Variants in CNBD1 observed in about 807,000 individuals in gnomAD.
The protein encoded by CNBD1 is cyclic nucleotide binding domain containing 1, also known as cyclic nucleotide-binding domain-containing protein 1.
Under a neutral mutation model 54.4 loss-of-function variants are expected in CNBD1, and 71 were observed. The ratio of observed to expected loss-of-function variants is 1.30; its 90% CI spans 1.08 to 1.59. The LOEUF is 1.59. Among genes scored for constraint, CNBD1 ranks in the 40% most tolerant of loss-of-function variants. CNBD1 has a pLI of 0.00. For missense variants in CNBD1, 659 were observed against 518.0 expected, an observed-to-expected ratio of 1.27 and a Z score of -2.64; for synonymous variants, 182 against 170.7, an observed-to-expected ratio of 1.07 and a Z score of -0.51.
intron 4 of CNBD1, among the ~76,000 whole-genome samples, chr8:87,204,378 G>A (rs1813926206): frequency 6.6e-6 from 1 of 152,116 alleles, no homozygotes; most frequent in South Asian, 2.1e-4. Flanking sequence ...TGGATGGGAA[G>A]GCCAAACTAT....
chr8:87,025,313 C>G (rs1414336969), intron 4 of CNBD1, among the ~76,000 whole-genome samples: 2 of 152,130 alleles, frequency 1.3e-5, no homozygotes, highest in Non-Finnish European at 2.9e-5. Flanking sequence ...ACCTGGGTCC[C>G]CTTCCACTCT....
chr8:87,346,057 G>A (rs566166078), intron 8 of CNBD1, among the ~76,000 whole-genome samples: 2 of 151,166 alleles, frequency 1.3e-5, no homozygotes, highest in African/African-American at 4.9e-5. Context: ...TTTTTTGTGG[G>A]GGGGACAGAG....
At chr8:87,204,271 A>G (rs1813923951) in intron 4 of CNBD1, among the ~76,000 whole-genome samples, 1 of 152,152 alleles carries the variant, frequency 6.6e-6, no homozygotes, top group South Asian at 2.1e-4. Flanking sequence ...TATGTTGTAG[A>G]CATTGTTTTT....
At chr8:87,070,529 GCT>G (rs1223476335) in intron 4 of CNBD1, among the ~76,000 whole-genome samples, 2 of 152,138 alleles carry the variant, frequency 1.3e-5, no homozygotes, top group African/African-American at 4.8e-5. Context: ...CAAGTTCTCT[GCT>G]CTCTCAAAAA....
intron 2 of CNBD1, among the ~76,000 whole-genome samples, chr8:86,900,887 G>T (rs1040964104): frequency 3.3e-5 from 5 of 152,036 alleles, no homozygotes; most frequent in African/African-American, 9.7e-5. Context: ...TTTTCCTTCA[G>T]AACTTTATGA....
intron 4 of CNBD1, among the ~76,000 whole-genome samples, chr8:87,067,799 T>G (rs967589159): frequency 6.6e-6 from 1 of 152,084 alleles, no homozygotes; most frequent in Non-Finnish European, 1.5e-5. Flanking sequence ...ATTAACGTAT[T>G]ATTTCTCTGT....
intron 10 of CNBD1, among the ~76,000 whole-genome samples, chr8:87,380,102 AT>A (rs1440797492): frequency 6.6e-6 from 1 of 151,962 alleles, no homozygotes; most frequent in African/African-American, 2.4e-5. Context: ...GTGTTTGCTT[AT>A]TATAATTACA....
At chr8:86,917,572 G>A (rs1269451026) in intron 3 of CNBD1, among the ~76,000 whole-genome samples, 1 of 152,136 alleles carries the variant, frequency 6.6e-6, no homozygotes, top group Non-Finnish European at 1.5e-5. Flanking sequence ...ACTGATGGGT[G>A]GTAGGACTCT....
At chr8:86,999,004 A>T (rs960682550) in intron 4 of CNBD1, among the ~76,000 whole-genome samples, 3 of 152,206 alleles carry the variant, frequency 2.0e-5, no homozygotes, top group South Asian at 2.1e-4. Context: ...CCCACTATCT[A>T]TGTGGACTTT....
At chr8:87,185,673 T>C (rs1327516192) in intron 4 of CNBD1, among the ~76,000 whole-genome samples, 1 of 152,200 alleles carries the variant, frequency 6.6e-6, no homozygotes, top group African/African-American at 2.4e-5. Context: ...CTCCAGATAT[T>C]GTTCCCTCTA....
At chr8:87,226,926 C>G (rs974686610) in intron 5 of CNBD1, among the ~76,000 whole-genome samples, 34 of 151,684 alleles carry the variant, frequency 2.2e-4, no homozygotes, top group East Asian at 3.9e-4. Flanking sequence ...GGGTGCTCCT[C>G]TATTGGGTGC....
chr8:87,353,818 C>T lies in CNBD1; in HGVS notation c.1303+32C>T, dbSNP rs749838757. 12 of 1,515,704 alleles carry T rather than the reference C, an allele frequency of 7.9e-6. No homozygotes were observed. In the East Asian group the frequency reaches 2.8e-4, roughly 35 times the overall value. 93.9% of individuals were successfully genotyped at this position (1,515,704 alleles called of 1,614,324 possible). On this transcript the variant is annotated intron_variant, in intron 10 of 10. Coordinates refer to ENST00000518476, the MANE Select transcript of CNBD1 (RefSeq NM_173538.3). ...GCATAAATATCTTTTAACTGTTATA[C>T]CATTTTATTGGATGAGTTCTTAAAT...
intron 8 of CNBD1, among the ~76,000 whole-genome samples, chr8:87,288,390 T>C (rs890645387): frequency 6.6e-6 from 1 of 152,022 alleles, no homozygotes; most frequent in Non-Finnish European, 1.5e-5. Context: ...AATAAAAATA[T>C]AATATCCAAT....
At chr8:87,097,226 T>A (rs750285353) in intron 4 of CNBD1, among the ~76,000 whole-genome samples, 5 of 152,216 alleles carry the variant, frequency 3.3e-5, no homozygotes, top group Non-Finnish European at 7.3e-5. Context: ...TGGTCCTTTT[T>A]AAAATATATA....
At chr8:87,324,124 G>C (rs1199264461) in intron 8 of CNBD1, among the ~76,000 whole-genome samples, 2 of 123,334 alleles carry the variant, frequency 1.6e-5, no homozygotes, top group African/African-American at 6.0e-5. Flanking sequence ...TGCCTATATT[G>C]AACCAGCCTT....
chr8:87,047,448 A>G (rs1810219314), intron 4 of CNBD1, among the ~76,000 whole-genome samples: 1 of 152,198 alleles, frequency 6.6e-6, no homozygotes, highest in Non-Finnish European at 1.5e-5. Flanking sequence ...GTCTTGCTGT[A>G]TAGATGAGCA....
intron 10 of CNBD1, among the ~76,000 whole-genome samples, chr8:87,358,290 T>C (rs923725053): frequency 6.6e-5 from 10 of 152,226 alleles, no homozygotes; most frequent in African/African-American, 2.2e-4. Flanking sequence ...TTCATATGTC[T>C]AATTTTAAAA....
At chr8:87,123,825 C>G (rs1811939464) in intron 4 of CNBD1, among the ~76,000 whole-genome samples, 1 of 151,362 alleles carries the variant, frequency 6.6e-6, no homozygotes. Flanking sequence ...TAAGAGCACA[C>G]ATTATAACTG....
At chr8:87,077,412 CT>C (rs374931620) in intron 4 of CNBD1, among the ~76,000 whole-genome samples, 5,442 of 129,522 alleles carry the variant, frequency 0.042, 97 homozygotes, top group African/African-American at 0.078. Flanking sequence ...TCTTCTTCTT[CT>C]TTTTTTTTTT....
Sources: allele counts gnomAD v4.1 joint callset (sites outside exome capture counted in the v4.1 genomes callset), GRCh38; gene constraint gnomAD v4.1.1; transcripts MANE v1.5; gene names NCBI Gene and HGNC (gene_info 2026-07-23, HGNC 2026-07-21).